The following ZC3H12B variants were observed in gnomAD, a reference collection of about 807,000 sequenced individuals.
ZC3H12B encodes probable ribonuclease ZC3H12B.
In ZC3H12B, 7 loss-of-function variants were observed where a neutral mutation model predicts 43.9. That is an observed-to-expected ratio of 0.16 (90% CI 0.09 to 0.30). The LOEUF is 0.30. ZC3H12B is among the 10% of genes least tolerant of loss of function. ZC3H12B has a pLI of 1.00. For synonymous variants in ZC3H12B, 222 were observed against 241.7 expected (o/e 0.92, Z 0.76); for missense variants, 475 against 670.2 (o/e 0.71, Z 3.22).
chrX:65,185,318 A>C, the ZC3H12B span: 1 of 112,254 alleles, frequency 8.9e-6, no homozygotes, highest in African/African-American at 3.2e-5. Flanking sequence ...AGAGGAAAGC[A>C]AAAAGAATGG....
chrX:65,352,607 T>TA, the ZC3H12B span, among the ~76,000 whole-genome samples: 1 of 111,992 alleles, frequency 8.9e-6, no homozygotes, highest in African/African-American at 3.2e-5. Flanking sequence ...TAAAACTCAC[T>TA]AAGCTTTATA....
chrX:65,158,548 T>C, the ZC3H12B span, among the ~76,000 whole-genome samples: 1 of 112,287 alleles, frequency 8.9e-6, no homozygotes, highest in Admixed American at 9.5e-5. Flanking sequence ...TTTCATGTGT[T>C]TATTGGCTGC....
chrX:65,164,804 T>C, the ZC3H12B span, among the ~76,000 whole-genome samples: 1 of 112,044 alleles, frequency 8.9e-6, no homozygotes, highest in Non-Finnish European at 1.9e-5. Context: ...CAATTTCCCC[T>C]CAAAAGTAGC....
the ZC3H12B span, among the ~76,000 whole-genome samples, chrX:65,233,326 A>T: frequency 1.8e-5 from 2 of 111,605 alleles, no homozygotes; most frequent in Admixed American, 1.9e-4. Flanking sequence ...AAACATTCTC[A>T]AGGATAGGCT....
chrX:65,260,627 G>A, the ZC3H12B span, among the ~76,000 whole-genome samples: 1 of 111,982 alleles, frequency 8.9e-6, no homozygotes, highest in African/African-American at 3.2e-5. Flanking sequence ...AAAAGAGAAT[G>A]CTCATACACT....
At chrX:65,084,397 A>G in the ZC3H12B span, among the ~76,000 whole-genome samples, 1 of 112,104 alleles carries the variant, frequency 8.9e-6, no homozygotes, top group Non-Finnish European at 1.9e-5. Flanking sequence ...AAGGAGCTCA[A>G]ACAACTCTAC....
the ZC3H12B span, among the ~76,000 whole-genome samples, chrX:65,356,200 G>T: frequency 9.0e-6 from 1 of 111,269 alleles, no homozygotes; most frequent in Admixed American, 9.6e-5. Flanking sequence ...TGGAAACATG[G>T]ACTGCAACCT....
chrX:65,242,525 G>A, the ZC3H12B span, among the ~76,000 whole-genome samples: 2 of 112,257 alleles, frequency 1.8e-5, no homozygotes, highest in African/African-American at 6.5e-5. Context: ...TAACAGATTG[G>A]AAGTATCAAT....
At chrX:65,289,809 A>G in the ZC3H12B span, among the ~76,000 whole-genome samples, 1 of 110,700 alleles carries the variant, frequency 9.0e-6, no homozygotes, top group African/African-American at 3.3e-5. Context: ...CTTGACTTCT[A>G]TCTCACACTA....
At chrX:65,096,802 G>A in the ZC3H12B span, among the ~76,000 whole-genome samples, 8 of 111,139 alleles carry the variant, frequency 7.2e-5, no homozygotes, top group African/African-American at 9.8e-5. Flanking sequence ...AAAAATAATC[G>A]TTTTTATATT....
At chrX:65,280,036 C>A in the ZC3H12B span, among the ~76,000 whole-genome samples, 1 of 112,129 alleles carries the variant, frequency 8.9e-6, no homozygotes, top group Admixed American at 9.4e-5. Context: ...AGAGAGAAAT[C>A]TTTTTAACTC....
At chrX:65,374,772 C>A (rs917075565) in intron 2 of ZC3H12B, among the ~76,000 whole-genome samples, 1 of 110,843 alleles carries the variant, frequency 9.0e-6, no homozygotes, top group East Asian at 2.9e-4. Flanking sequence ...CACGGTGGAA[C>A]GGGAAGCAAT....
the ZC3H12B span, among the ~76,000 whole-genome samples, chrX:65,230,100 G>A: frequency 9.0e-6 from 1 of 110,915 alleles, no homozygotes; most frequent in Non-Finnish European, 1.9e-5. Context: ...GTTTATTGCG[G>A]CACTATTCAC....
At chrX:65,317,393 T>C in the ZC3H12B span, among the ~76,000 whole-genome samples, 1 of 111,089 alleles carries the variant, frequency 9.0e-6, no homozygotes, top group African/African-American at 3.3e-5. Flanking sequence ...TTTTTTTATT[T>C]CCATAGGTTT....
the ZC3H12B span, among the ~76,000 whole-genome samples, chrX:65,068,776 T>A: frequency 1.8e-5 from 2 of 111,852 alleles, no homozygotes; most frequent in Non-Finnish European, 3.8e-5. Flanking sequence ...CTGGTTGAAG[T>A]GTGCCGTTTA....
the ZC3H12B span, among the ~76,000 whole-genome samples, chrX:65,146,763 G>GC: frequency 9.0e-6 from 1 of 111,645 alleles, no homozygotes; most frequent in East Asian, 2.8e-4. Flanking sequence ...AGTCTGCCAG[G>GC]CTCCAGGCTG....
At chrX:65,192,446 G>T in the ZC3H12B span, among the ~76,000 whole-genome samples, 1 of 111,280 alleles carries the variant, frequency 9.0e-6, no homozygotes, top group South Asian at 3.8e-4. Context: ...TTAGATAAAA[G>T]GCTTGCAGTT....
chrX:65,393,241 A>G (rs940537446), intron 2 of ZC3H12B, among the ~76,000 whole-genome samples: 1 of 111,449 alleles, frequency 9.0e-6, no homozygotes, highest in Admixed American at 9.5e-5. Context: ...AAGAATGATC[A>G]ATAAATACTA....
At chrX:65,489,455 A>G (rs771702831) in intron 1 of ZC3H12B, 46 bp downstream of exon 6, 2 of 1,137,539 alleles carry the variant, frequency 1.8e-6, no homozygotes, top group Non-Finnish European at 2.3e-6. Context: ...AACTGCCCTG[A>G]GCTCATAGAA....
Sources: allele counts gnomAD v4.1 joint callset (sites outside exome capture counted in the v4.1 genomes callset), GRCh38; gene constraint gnomAD v4.1.1; transcripts MANE v1.5; gene names NCBI Gene and HGNC (gene_info 2026-07-23, HGNC 2026-07-21).